AK9: variants seen among roughly 807,000 people sequenced by gnomAD.
The protein encoded by AK9 is adenylate kinase 9.
Under a neutral mutation model 239.6 loss-of-function variants are expected in AK9, and 191 were observed. The ratio of observed to expected loss-of-function variants is 0.80; its 90% CI spans 0.71 to 0.90. AK9 has a LOEUF of 0.90. Ranked by LOEUF, AK9 falls within the 40% of genes least tolerant of loss-of-function variation. The pLI, the probability that AK9 is intolerant of heterozygous loss-of-function variation, is 0.00. For missense variants in AK9, 1,995 were observed against 2,214.7 expected, an observed-to-expected ratio of 0.90 and a Z score of 1.99; for synonymous variants, 689 against 721.0, an observed-to-expected ratio of 0.96 and a Z score of 0.71.
chr6:109,634,510 T>C (rs1796487616), intron 10 of AK9, among the ~76,000 whole-genome samples: 1 of 152,124 alleles, frequency 6.6e-6, no homozygotes, highest in South Asian at 2.1e-4. Flanking sequence ...GGGTCACACA[T>C]GATATATGCT....
chr6:109,582,870 C>T lies in AK9; in HGVS notation c.2114+2253G>A, dbSNP rs1173033818. On this transcript the variant is annotated intron_variant, in intron 19 of 40. Coordinates refer to ENST00000424296, the MANE Select transcript of AK9 (RefSeq NM_001145128.3). Reference sequence around the variant, plus strand: ...GTCCTAGTTTAAGAAATTTCCATAGCCACCCCAACCTTTGGCAACCACTAC... The same window carrying T: ...GTCCTAGTTTAAGAAATTTCCATAGTCACCCCAACCTTTGGCAACCACTAC... Among the ~76,000 whole-genome samples the T allele has an allele frequency of 3.3e-5, 5 of 152,092 alleles. No individual in the cohort carries two copies. The East Asian group carries it at 7.7e-4, about 23-fold the overall frequency.
In AK9 at chr6:109,604,642, T is replaced by TA. The variant is rs1197622889; in HGVS notation, c.1842+5722dup. ...CAACATATTTTACTAGTTAGTAGAG[T>TA]AAGTCTCCCTCTATCATACTTCTTT... is the stretch of plus-strand genomic sequence containing the variant. On this transcript the variant is annotated intron_variant, in intron 17 of 40. Transcript: ENST00000424296. Among the ~76,000 whole-genome samples, 7 of 152,322 alleles carry TA rather than the reference T, an allele frequency of 4.6e-5. No homozygotes were observed. The South Asian group carries it at 1.4e-3, about 32-fold the overall frequency.
chr6:109,670,986 T>C (rs1310654770), intron 5 of AK9, among the ~76,000 whole-genome samples: 1 of 152,112 alleles, frequency 6.6e-6, no homozygotes, highest in Non-Finnish European at 1.5e-5. Context: ...AAAACCCATA[T>C]ATCCATATAG....
intron 8 of AK9, among the ~76,000 whole-genome samples, chr6:109,649,073 T>G (rs755442106): frequency 9.9e-5 from 15 of 152,070 alleles, no homozygotes; most frequent in Non-Finnish European, 1.8e-4. Context: ...AATAAATTAG[T>G]TATTGATGGG....
chr6:109,619,226 T>A lies in AK9; in HGVS notation c.1265A>T (p.Tyr422Phe). Residue 422 changes from tyrosine (Y) to phenylalanine (F), a missense_variant, in exon 13 of 41, where the codon TAT (tyrosine) becomes TTT (phenylalanine). Physicochemically the swap from Tyr to Phe is conservative, Grantham distance 22. Around this residue, in one of 5 missense-constraint regions of AK9, gnomAD observed 1,290 missense variants for 1,392.7 expected, o/e 0.93. Transcript: ENST00000424296. ...AENYKGKVVD[Y>F]AQLVQPRFDK... ...AAAACGTGGCTGAACAAGTTGGGCA[T>A]AGTCGACTACCTGCAAAGAATATTT... is the stretch of plus-strand genomic sequence containing the variant. The A allele has an allele frequency of 6.5e-7, 1 of 1,545,264 alleles. No individual in the cohort carries two copies. The highest frequency in any genetic ancestry group is 8.7e-7 in the Non-Finnish European group (1 of 1,145,120).
chr6:109,614,128 T>C, intron 15 of AK9, 55 bp downstream of exon 15: 1 of 1,454,260 alleles, frequency 6.9e-7, no homozygotes, highest in South Asian at 1.2e-5. Flanking sequence ...TAATCAAATA[T>C]GAAATAAATG....
intron 17 of AK9, among the ~76,000 whole-genome samples, chr6:109,602,970 C>T (rs577868652): frequency 2.1e-3 from 318 of 152,232 alleles, no homozygotes; most frequent in Admixed American, 2.6e-3. Flanking sequence ...GTTAGCCATT[C>T]GTCTAATCTT....
At chr6:109,665,301 G>A (rs1801029615) in intron 5 of AK9, among the ~76,000 whole-genome samples, 1 of 152,148 alleles carries the variant, frequency 6.6e-6, no homozygotes, top group South Asian at 2.1e-4. Context: ...TGTCCAACTT[G>A]ACTTACTTAC....
chr6:109,672,421 G>A (rs1344535875), intron 3 of AK9, among the ~76,000 whole-genome samples: 2 of 152,138 alleles, frequency 1.3e-5, no homozygotes, highest in African/African-American at 4.8e-5. Context: ...GGTGACTCAT[G>A]TCTGCAATCC....
intron 2 of AK9, 128 bp downstream of exon 2, chr6:109,675,501 T>C (rs1000599316): frequency 1.7e-6 from 1 of 577,676 alleles, no homozygotes; most frequent in East Asian, 3.2e-5. Flanking sequence ...TTTTAAGTCA[T>C]ATAATAAAAG....
intron 12 of AK9, among the ~76,000 whole-genome samples, chr6:109,628,476 C>T (rs1003784016): frequency 6.6e-6 from 1 of 152,168 alleles, no homozygotes; most frequent in African/African-American, 2.4e-5. Flanking sequence ...TTGAGGTAAC[C>T]ATGGAGCTCA....
At chr6:109,669,793 G>A (rs536265179) in intron 5 of AK9, among the ~76,000 whole-genome samples, 1 of 152,302 alleles carries the variant, frequency 6.6e-6, no homozygotes, top group East Asian at 1.9e-4. Context: ...CCGAGTGCTA[G>A]GTTCTAAAAC....
At chr6:109,674,814 T>C (rs982410459) in intron 2 of AK9, among the ~76,000 whole-genome samples, 19 of 152,344 alleles carry the variant, frequency 1.2e-4, no homozygotes, top group African/African-American at 4.6e-4. Context: ...ATAGTGAAAG[T>C]TGTTGAAACC....
At chr6:109,505,168 A>G (rs1426075211) in intron 35 of AK9, among the ~76,000 whole-genome samples, 1 of 152,260 alleles carries the variant, frequency 6.6e-6, no homozygotes, top group Non-Finnish European at 1.5e-5. Context: ...GGTTATGCCC[A>G]CATGGTGAAG....
chr6:109,554,364 C>T (rs1369054744), intron 24 of AK9, among the ~76,000 whole-genome samples: 1 of 152,096 alleles, frequency 6.6e-6, no homozygotes, highest in Non-Finnish European at 1.5e-5. Flanking sequence ...ATTACCTCCT[C>T]AATTTCAGAA....
chr6:109,674,260 C>T lies in AK9; in HGVS notation c.119G>A (p.Gly40Asp), dbSNP rs372494152. Residue 40 changes from glycine to aspartate, a missense_variant and splice_region_variant, in exon 3 of 41, where the codon GGT becomes GAT. This residue lies in a region of AK9 where 252 missense variants were observed against 246.4 expected (regional missense o/e 1.02). Coordinates refer to ENST00000424296, the MANE Select transcript of AK9 (RefSeq NM_001145128.3). ...ACGGGCTAATGTTGTTTTCCCAACA[C>T]CCTTAAAAAGAAAAATGTTATTTAA... Reference protein sequence around the residue: ...PVCFVVFGKPGVGKTTLARYI... With the variant: ...PVCFVVFGKPDVGKTTLARYI... 20 of 1,558,268 alleles carry T rather than the reference C, an allele frequency of 1.3e-5. No homozygotes were observed. In the Admixed American group the frequency reaches 3.2e-4, roughly 25 times the overall value.
chr6:109,634,435 G>T (rs1562525233), intron 10 of AK9, among the ~76,000 whole-genome samples: 1 of 152,118 alleles, frequency 6.6e-6, no homozygotes, highest in African/African-American at 2.4e-5. Context: ...TTCTGCTATA[G>T]CAAAAGAAAA....
intron 10 of AK9, among the ~76,000 whole-genome samples, chr6:109,636,031 T>C (rs568436891): frequency 6.6e-6 from 1 of 152,342 alleles, no homozygotes; most frequent in African/African-American, 2.4e-5. Flanking sequence ...TTTTTTAATA[T>C]ATACCATTGA....
At chr6:109,606,418 A>G (rs933829884) in intron 17 of AK9, among the ~76,000 whole-genome samples, 2 of 152,340 alleles carry the variant, frequency 1.3e-5, no homozygotes, top group East Asian at 3.9e-4. Flanking sequence ...GAAATGAACA[A>G]GAACAGATAG....
Sources: gnomAD v4.1 joint callset for allele counts (sites outside exome capture counted in the v4.1 genomes callset) on GRCh38, gnomAD v4.1.1 for gene constraint, gnomAD v4.1.1 regional missense constraint, MANE v1.5 for transcripts, NCBI Gene and HGNC (gene_info 2026-07-23, HGNC 2026-07-21) for gene names.